KIRREL3: variants seen among roughly 807,000 people sequenced by gnomAD.
KIRREL3 encodes kin of IRRE-like protein 3.
Under a neutral mutation model 89.7 loss-of-function variants are expected in KIRREL3, and 36 were observed. That is an observed-to-expected ratio of 0.40 (90% CI 0.31 to 0.53). The LOEUF (loss-of-function observed/expected upper bound fraction) is 0.53. KIRREL3 is among the 20% of genes least tolerant of loss of function. The probability of loss-of-function intolerance (pLI) is 0.49; values close to 1 mark genes in which losing one functional copy is unlikely to be tolerated. For missense variants in KIRREL3, 864 were observed against 1,056.6 expected (o/e 0.82, Z 2.53); for synonymous variants, 445 against 441.4 (o/e 1.01, Z -0.10).
rs1948613236 is a variant in KIRREL3 at position 126,946,094 on chromosome 11, C to A, written c.55+54361G>T. On this transcript the variant is annotated intron_variant, in intron 1 of 16. Coordinates refer to ENST00000525144, the MANE Select transcript of KIRREL3 (RefSeq NM_032531.4). The surrounding 1 kb of genome is among the most constrained non-coding windows in gnomAD (Gnocchi z 4.1). Reference sequence around the variant, plus strand: ...AATTCAGGTAGTCACAAATCCTGACCAGAATGGCTGAGATTTCTGAGCTGG... The same window carrying A: ...AATTCAGGTAGTCACAAATCCTGACAAGAATGGCTGAGATTTCTGAGCTGG... 6.6e-6 allele frequency among the ~76,000 whole-genome samples: 1 copy of A among 152,150 alleles called. No individual in the cohort carries two copies. The highest frequency in any genetic ancestry group is 2.1e-4 in the South Asian group (1 of 4,818).
Position 126,990,839 on chromosome 11 carries a change from T to C in KIRREL3, c.55+9616A>G, listed in dbSNP as rs913727040. Among the ~76,000 whole-genome samples the C allele has an allele frequency of 2.0e-5, 3 of 152,158 alleles. No individual in the cohort carries two copies. Among genetic ancestry groups the C allele is most frequent in the Admixed American group, 2.0e-4 (3 of 15,280 alleles). On this transcript the variant is annotated intron_variant, in intron 1 of 16. Coordinates refer to ENST00000525144, the MANE Select transcript of KIRREL3 (RefSeq NM_032531.4). This position sits in a 1 kb window ranked among gnomAD's most constrained non-coding sequence, Gnocchi z 6.3. ...CAACCACTGAGGGATTAAGTGGTGG[T>C]TTTGCTTTCTTTGCCACAAGGTCAG...
intron 1 of KIRREL3, among the ~76,000 whole-genome samples, chr11:126,836,785 T>C (rs1356208961): frequency 2.0e-5 from 3 of 152,276 alleles, no homozygotes; most frequent in South Asian, 2.1e-4. Context: ...AGATTTGACA[T>C]AGGGCTGCAT....
At position 126,450,132 on chromosome 11, in the gene KIRREL3, GGGGTGTATGTGTATACACATGTATGT is replaced by G. The variant is rs61724778; in HGVS notation, c.849-1001_849-976del. Among the ~76,000 whole-genome samples, 26 of 152,224 alleles carry G rather than the reference GGGGTGTATGTGTATACACATGTATGT, an allele frequency of 1.7e-4. No individual in the cohort carries two copies. In the East Asian group the frequency reaches 1.7e-3, roughly 10 times the overall value. ...GTGCAGAAAGCAACGGAGCCTCACAGGGGTGTATGTGTATACACATGTATGTGGGTGTATGTGTATACACATGTATG... is the reference window on the plus strand; with the variant it reads ...GTGCAGAAAGCAACGGAGCCTCACAGGGGTGTATGTGTATACACATGTATG... On this transcript the variant is annotated intron_variant, in intron 7 of 16. Transcript: ENST00000525144.
intron 1 of KIRREL3, among the ~76,000 whole-genome samples, chr11:126,596,748 C>CT (rs1308585768): frequency 2.0e-5 from 3 of 152,192 alleles, no homozygotes; most frequent in African/African-American, 7.2e-5. Flanking sequence ...TTGAGCCCAG[C>CT]TTTCTTCTTC....
At position 126,826,167 on chromosome 11, in the gene KIRREL3, G is replaced by A. The variant is rs547300683; in HGVS notation, c.55+174288C>T. Among the ~76,000 whole-genome samples the A allele has an allele frequency of 2.6e-5, 4 of 152,192 alleles. No homozygotes were observed. The East Asian group carries it at 7.7e-4, about 29-fold the overall frequency. ...CATGGTATTTGTGAAACCTCTGTCT[G>A]TGTGGTCATTAAGTTAACACCTGCT... On this transcript the variant is annotated intron_variant, in intron 1 of 16. Coordinates refer to ENST00000525144, the MANE Select transcript of KIRREL3 (RefSeq NM_032531.4).
At chr11:126,862,613 C>T (rs1289467923) in intron 1 of KIRREL3, among the ~76,000 whole-genome samples, 2 of 152,216 alleles carry the variant, frequency 1.3e-5, no homozygotes, top group East Asian at 3.9e-4. Flanking sequence ...AGGTTCACTG[C>T]TCTCCACGCT....
chr11:126,704,499 G>A lies in KIRREL3; in HGVS notation c.56-141587C>T, dbSNP rs1236581784. Among the ~76,000 whole-genome samples, 1 of 152,258 alleles carries A rather than the reference G, an allele frequency of 6.6e-6. No individual in the cohort carries two copies. Among genetic ancestry groups the A allele is most frequent in the Non-Finnish European group, 1.5e-5 (1 of 68,046 alleles). On this transcript the variant is annotated intron_variant, in intron 1 of 16. Transcript: ENST00000525144. This position sits in a 1 kb window ranked among gnomAD's most constrained non-coding sequence, Gnocchi z 4.2. ...GGTCTGTCTGAGAGACCTTGGTGGA[G>A]TGCAGCTTCAGCATTTGGGGCCACA...
rs931995458 is a variant in KIRREL3, at chr11:126,525,369, G to T, written c.283+1169C>A. Reference sequence around the variant, plus strand: ...GCGTTCGGAGTCTCTGAAATTGGCTGGTTCCCATAACAGTTAAACTTTATG... The same window carrying T: ...GCGTTCGGAGTCTCTGAAATTGGCTTGTTCCCATAACAGTTAAACTTTATG... On this transcript the variant is annotated intron_variant, in intron 3 of 16. Coordinates refer to ENST00000525144, the MANE Select transcript of KIRREL3 (RefSeq NM_032531.4). The surrounding 1 kb of genome is among the most constrained non-coding windows in gnomAD (Gnocchi z 5.4). Among the ~76,000 whole-genome samples the T allele has an allele frequency of 6.6e-6, 1 of 152,138 alleles. No individual in the cohort carries two copies. Among genetic ancestry groups the T allele is most frequent in the East Asian group, 1.9e-4 (1 of 5,198 alleles).
At chr11:126,800,839 G>C (rs1450367122) in intron 1 of KIRREL3, among the ~76,000 whole-genome samples, 1 of 152,180 alleles carries the variant, frequency 6.6e-6, no homozygotes, top group Non-Finnish European at 1.5e-5. Context: ...CTTTTCAGCG[G>C]ATTTAGCTGT....
Position 126,776,879 on chromosome 11 carries a change from T to C in KIRREL3, c.56-213967A>G, listed in dbSNP as rs2134315821. Among the ~76,000 whole-genome samples the C allele has an allele frequency of 6.6e-6, 1 of 152,278 alleles. No individual in the cohort carries two copies. The highest frequency in any genetic ancestry group is 2.1e-4 in the South Asian group (1 of 4,826). On this transcript the variant is annotated intron_variant, in intron 1 of 16. Coordinates refer to ENST00000525144, the MANE Select transcript of KIRREL3 (RefSeq NM_032531.4). The surrounding 1 kb of genome is among the most constrained non-coding windows in gnomAD (Gnocchi z 4.7). Reference sequence around the variant, plus strand: ...CTGGCCCTGCCTGGGGTAGTCCAAATGGAGTGCAGGAGACCGGTGCCCATG... The same window carrying C: ...CTGGCCCTGCCTGGGGTAGTCCAAACGGAGTGCAGGAGACCGGTGCCCATG...
intron 1 of KIRREL3, among the ~76,000 whole-genome samples, chr11:126,968,783 A>G (rs997460266): frequency 3.9e-5 from 6 of 152,002 alleles, no homozygotes; most frequent in African/African-American, 1.5e-4. Flanking sequence ...CAAATCAGGA[A>G]CTCTACAGGA....
chr11:126,874,175 G>A (rs947278465), intron 1 of KIRREL3, among the ~76,000 whole-genome samples: 1 of 152,140 alleles, frequency 6.6e-6, no homozygotes, highest in Non-Finnish European at 1.5e-5. Flanking sequence ...GCATTAGATC[G>A]AAAGGTCTCT....
chr11:126,820,335 T>C (rs1370937911), intron 1 of KIRREL3, among the ~76,000 whole-genome samples: 2 of 151,612 alleles, frequency 1.3e-5, no homozygotes, highest in African/African-American at 2.4e-5. Flanking sequence ...ACCAAGAAGG[T>C]CTGAAGATAA....
Position 126,652,133 on chromosome 11 carries a change from A to G in KIRREL3, c.56-89221T>C, listed in dbSNP as rs1007020287. 1.3e-5 allele frequency among the ~76,000 whole-genome samples: 2 copies of G among 152,140 alleles called. No individual in the cohort carries two copies. The highest frequency in any genetic ancestry group is 2.9e-5 in the Non-Finnish European group (2 of 68,034). On this transcript the variant is annotated intron_variant, in intron 1 of 16. Transcript: ENST00000525144. This position sits in a 1 kb window ranked among gnomAD's most constrained non-coding sequence, Gnocchi z 4.9. ...CTGATCTGTCTGGAGGATTCCTTTAAAAAAACCCAAGGTTCTGGAGGTCAC... is the reference window on the plus strand; with the variant it reads ...CTGATCTGTCTGGAGGATTCCTTTAGAAAAACCCAAGGTTCTGGAGGTCAC...
In KIRREL3 at chr11:126,903,597, C is replaced by CT. The variant is rs1946458102; in HGVS notation, c.55+96857dup. 6.6e-6 allele frequency among the ~76,000 whole-genome samples: 1 copy of CT among 152,130 alleles called. No homozygotes were observed. Among genetic ancestry groups the CT allele is most frequent in the Non-Finnish European group, 1.5e-5 (1 of 68,044 alleles). The stretch of plus-strand genomic sequence containing the variant: ...GTTTATTACTACCCATAACCCTGGC[C>CT]TAAGTGGAAACAAAAAAGCTGTAGC... On this transcript the variant is annotated intron_variant, in intron 1 of 16. Coordinates refer to ENST00000525144, the MANE Select transcript of KIRREL3 (RefSeq NM_032531.4). This position sits in a 1 kb window ranked among gnomAD's most constrained non-coding sequence, Gnocchi z 4.5.
chr11:126,687,934 A>C lies in KIRREL3; in HGVS notation c.56-125022T>G, dbSNP rs945725452. 6.6e-6 allele frequency among the ~76,000 whole-genome samples: 1 copy of C among 152,268 alleles called. No homozygotes were observed. The highest frequency in any genetic ancestry group is 1.5e-5 in the Non-Finnish European group (1 of 68,052). On this transcript the variant is annotated intron_variant, in intron 1 of 16. Coordinates refer to ENST00000525144, the MANE Select transcript of KIRREL3 (RefSeq NM_032531.4). This position sits in a 1 kb window ranked among gnomAD's most constrained non-coding sequence, Gnocchi z 4.6. ...GCAAAAGAAAGCATCTAGAAAAAGG[A>C]AATAAAGGGCTGTAGGTGTATCAAA...
intron 1 of KIRREL3, among the ~76,000 whole-genome samples, chr11:126,801,698 G>A (rs1409736130): frequency 1.3e-5 from 2 of 152,164 alleles, no homozygotes; most frequent in Non-Finnish European, 2.9e-5. Context: ...CCTAGAAAGT[G>A]GGAAAGGAAT....
rs1946618386 is a variant in KIRREL3, at chr11:126,685,101, G to A, written c.56-122189C>T. Among the ~76,000 whole-genome samples, 1 of 152,218 alleles carries A rather than the reference G, an allele frequency of 6.6e-6. No homozygotes were observed. The highest frequency in any genetic ancestry group is 6.5e-5 in the Admixed American group (1 of 15,278). On this transcript the variant is annotated intron_variant, in intron 1 of 16. Coordinates refer to ENST00000525144, the MANE Select transcript of KIRREL3 (RefSeq NM_032531.4). The surrounding 1 kb of genome is among the most constrained non-coding windows in gnomAD (Gnocchi z 5.5). ...AGGAAATACAAAGATGAAGGACATA[G>A]TCAATCTCTTCAAGGAGGTCATGGC...
rs567447848 is a variant in KIRREL3 at position 126,948,199 on chromosome 11, T to C, written c.55+52256A>G. ...AAAGTATAATACCTACCACGCTTGA[T>C]GTCTTTCTCCTTTGATTTAATAAGA... On this transcript the variant is annotated intron_variant, in intron 1 of 16. Transcript: ENST00000525144. This position sits in a 1 kb window ranked among gnomAD's most constrained non-coding sequence, Gnocchi z 4.5. 6.6e-6 allele frequency among the ~76,000 whole-genome samples: 1 copy of C among 152,336 alleles called. No individual in the cohort carries two copies. The highest frequency in any genetic ancestry group is 1.9e-4 in the East Asian group (1 of 5,192).
Sources: gnomAD v4.1 joint callset for allele counts (sites outside exome capture counted in the v4.1 genomes callset) on GRCh38, gnomAD v4.1.1 for gene constraint, Gnocchi (gnomAD v3.1) non-coding constraint, MANE v1.5 for transcripts, NCBI Gene and HGNC (gene_info 2026-07-23, HGNC 2026-07-21) for gene names.